APOB: variants seen among roughly 807,000 people sequenced by gnomAD.
APOB encodes the protein apolipoprotein B-100.
A neutral mutation model predicts 314.1 loss-of-function variants in APOB; 153 were observed. The ratio of observed to expected loss-of-function variants is 0.49; its 90% confidence interval spans 0.43 to 0.56. APOB has a LOEUF of 0.56. Ranked by LOEUF, APOB falls within the 20% of genes least tolerant of loss-of-function variation. The probability of loss-of-function intolerance (pLI) is 0.00; values close to 1 mark genes in which losing one functional copy is unlikely to be tolerated. For missense variants in APOB, 5,430 were observed against 5,350.7 expected, an observed-to-expected ratio of 1.01 and a Z score of -0.46; for synonymous variants, 2,087 against 2,036.4, an observed-to-expected ratio of 1.02 and a Z score of -0.67.
rs1572792918 is a variant in APOB, at chr2:21,022,953, C to T, written c.2694G>A (p.Gly898=). 6.2e-7 allele frequency: 1 copy of T among 1,614,140 alleles called. No individual in the cohort carries two copies. The highest frequency in any genetic ancestry group is 8.5e-7 in the Non-Finnish European group (1 of 1,180,020). ...GIIIPDFARS[G]VQMNTNFFHE... is the part of the protein sequence containing the mutation. ...GGAAGAAGTTGGTGTTCATCTGGAC[C>T]CCACTCCTAGCGAAGTCCGGAATGA... The change falls in exon 18 of 29, where the codon GGG becomes GGA. Residue 898 remains glycine (G), a synonymous_variant. Coordinates refer to ENST00000233242, the MANE Select transcript of APOB (RefSeq NM_000384.3).
intron 7 of APOB, 91 bp downstream of exon 7, chr2:21,035,493 G>A: frequency 6.5e-7 from 1 of 1,535,906 alleles, no homozygotes; most frequent in Admixed American, 1.7e-5. Context: ...TCCCTCCCAG[G>A]CACAGGTTTG....
At chr2:21,014,158 T>C (rs12713799) in intron 24 of APOB, among the ~76,000 whole-genome samples, 2,125 of 152,310 alleles carry the variant, frequency 0.014, 27 homozygotes, top group Middle Eastern at 0.065. Flanking sequence ...CATTCTGAAT[T>C]CTTCACAGTC....
At position 21,035,710 on chromosome 2, in the gene APOB, T is replaced by C; in HGVS notation, c.694-2A>G. The stretch of plus-strand genomic sequence containing the variant: ...GATCAGAGTTGACAAGGGGCGGGTC[T>C]ATGAAAGAGATTGGAGACGAGCATT... On this transcript the variant is annotated splice_acceptor_variant, in intron 6 of 28. Transcript: ENST00000233242. LOFTEE classifies it high-confidence loss of function. 2 of 1,613,952 alleles carry C rather than the reference T, an allele frequency of 1.2e-6. No individual in the cohort carries two copies. Among genetic ancestry groups the C allele is most frequent in the Non-Finnish European group, 1.7e-6 (2 of 1,180,012 alleles).
In APOB at chr2:21,042,419, C is replaced by T. The variant is rs1439559056; in HGVS notation, c.179G>A (p.Ser60Asn). The T allele has an allele frequency of 1.2e-6, 2 of 1,614,042 alleles. No individual in the cohort carries two copies. Among genetic ancestry groups the T allele is most frequent in the East Asian group, 2.2e-5 (1 of 44,890 alleles). ...AGCAGTCCCAGGGACTCCACTGGAA[C>T]TCTCAGCCTCATAGTTGTATGTGTA... ...RKYTYNYEAE[S>N]SSGVPGTADS... Residue 60 changes from serine (S) to asparagine (N), a missense_variant, in exon 3 of 29, where the codon AGT (serine) becomes AAT (asparagine). Physicochemically the swap from Ser to Asn is conservative, Grantham distance 46 (BLOSUM62 1). Around this residue, in one of 3 missense-constraint regions of APOB, gnomAD observed 2,085 missense variants for 2,079.7 expected, o/e 1.00. Coordinates refer to ENST00000233242, the MANE Select transcript of APOB (RefSeq NM_000384.3).
chr2:21,016,796 A>C, intron 20 of APOB, 147 bp from the exon 21 acceptor site: 1 of 673,190 alleles, frequency 1.5e-6, no homozygotes, highest in South Asian at 1.6e-5. Flanking sequence ...CATTCTGGCT[A>C]ACATGGTGAA....
chr2:21,008,658 T>A lies in APOB; in HGVS notation c.8210A>T (p.His2737Leu). Residue 2737 changes from histidine to leucine, a missense_variant, in exon 26 of 29, where the codon CAC becomes CTC. Physicochemically the swap from His to Leu is moderately conservative, Grantham distance 99. This residue lies in a region of APOB where 3,281 missense variants were observed against 3,171.0 expected (regional missense o/e 1.03). Transcript: ENST00000233242. Reference sequence around the variant, plus strand: ...GTGGGGAAGCTGGAATTCTGGTATGTGAAGGTCAGGAACTTGAAAATCATT... The same window carrying A: ...GTGGGGAAGCTGGAATTCTGGTATGAGAAGGTCAGGAACTTGAAAATCATT... Reference protein sequence around the residue: ...NLNDFQVPDLHIPEFQLPHIS... With the variant: ...NLNDFQVPDLLIPEFQLPHIS... 6.2e-7 allele frequency: 1 copy of A among 1,614,076 alleles called. No individual in the cohort carries two copies. The highest frequency in any genetic ancestry group is 8.5e-7 in the Non-Finnish European group (1 of 1,179,968).
rs1331915928 is a variant in APOB at position 21,028,544 on chromosome 2, G to T, written c.1618-6C>A. The T allele has an allele frequency of 1.9e-6, 3 of 1,600,362 alleles. No homozygotes were observed. The highest frequency in any genetic ancestry group is 2.6e-6 in the Non-Finnish European group (3 of 1,171,148). ...TGAAGAAGAACCTCCTGGTCCTGCA[G>T]TCAAAAGAGGAGATGGTTATCACTG... On this transcript the variant is annotated splice_region_variant and splice_polypyrimidine_tract_variant and intron_variant, in intron 12 of 28. Transcript: ENST00000233242.
At position 21,020,824 on chromosome 2, in the gene APOB, G is replaced by A. The variant is rs568348434; in HGVS notation, c.2817-919C>T. On this transcript the variant is annotated intron_variant, in intron 18 of 28. Transcript: ENST00000233242. ...GCCAGCTTTCGCCTACCCATGGGGT[G>A]ATCTCCCCTGTGGCTGCTCTTTGGC... 3.9e-5 allele frequency among the ~76,000 whole-genome samples: 6 copies of A among 152,336 alleles called. No individual in the cohort carries two copies. The South Asian group carries it at 6.2e-4, about 16-fold the overall frequency.
At position 21,043,699 on chromosome 2, in the gene APOB, C is replaced by G. The variant is rs935822995; in HGVS notation, c.83-148G>C. On this transcript the variant is annotated intron_variant, in intron 1 of 28. Coordinates refer to ENST00000233242, the MANE Select transcript of APOB (RefSeq NM_000384.3). ...CCTCCTCAGCCCCTCCATCCCGCGC[C>G]CCCCATCCTGAGCCTGCAGGGGCCG... The G allele has an allele frequency of 1.4e-5, 21 of 1,502,586 alleles. No individual in the cohort carries two copies. In the African/African-American group the frequency reaches 2.6e-4, roughly 19 times the overall value. The allele number at this position is 1,502,586 out of a possible 1,614,324, so 93.1% of individuals were successfully genotyped here.
chr2:21,002,347 A>T lies in APOB; in HGVS notation c.13075T>A (p.Phe4359Ile). Reference sequence around the variant, plus strand: ...AGCTCGTTTTGAATAAATTCATTGAACTTATGAAGATTAAGGCATAGGTTT... The same window carrying T: ...AGCTCGTTTTGAATAAATTCATTGATCTTATGAAGATTAAGGCATAGGTTT... Reference protein sequence around the residue: ...KENLCLNLHKFNEFIQNELQE... With the variant: ...KENLCLNLHKINEFIQNELQE... The change falls in exon 29 of 29, where the codon TTC (phenylalanine) becomes ATC (isoleucine). Residue 4359 changes from phenylalanine to isoleucine, a missense_variant. Transcript: ENST00000233242. The T allele has an allele frequency of 6.2e-7, 1 of 1,611,544 alleles. No homozygotes were observed. The highest frequency in any genetic ancestry group is 8.5e-7 in the Non-Finnish European group (1 of 1,179,114).
At chr2:21,030,892 C>A (rs1398159846) in intron 10 of APOB, among the ~76,000 whole-genome samples, 1 of 151,960 alleles carries the variant, frequency 6.6e-6, no homozygotes, top group South Asian at 2.1e-4. Context: ...TAAATTAAAA[C>A]CACAATGAGA....
In APOB at chr2:21,005,271, G is replaced by C. The variant is rs748109934; in HGVS notation, c.11597C>G (p.Ser3866Cys). 24 of 1,613,926 alleles carry C rather than the reference G, an allele frequency of 1.5e-5. No individual in the cohort carries two copies. The Admixed American group carries it at 3.8e-4, about 26-fold the overall frequency. ...TCCAGCAGGTACAGAGAACTTAATG[G>C]AGGGAATCTCAATGGTCTGCTCAGG... ...IVPEQTIEIP[S>C]IKFSVPAGIV... The change falls in exon 26 of 29, where the codon TCC becomes TGC. Residue 3866 changes from serine (S) to cysteine (C), a missense_variant. Physicochemically the swap from Ser to Cys is moderately radical, Grantham distance 112. This residue lies in a region of APOB where 3,281 missense variants were observed against 3,171.0 expected (regional missense o/e 1.03). Coordinates refer to ENST00000233242, the MANE Select transcript of APOB (RefSeq NM_000384.3).
In APOB at chr2:21,009,069, A is replaced by C. The variant is rs1297385371; in HGVS notation, c.7799T>G (p.Phe2600Cys). The change falls in exon 26 of 29, where the codon TTT becomes TGT. Residue 2600 changes from phenylalanine to cysteine, a missense_variant. Transcript: ENST00000233242. ...IKTILGTMPA[F>C]EVSLQALQKA... ...CTGAAGAGCCTGAAGACTGACTTCA[A>C]AGGCAGGCATGGTCCCAAGGATGGT... is the stretch of plus-strand genomic sequence containing the variant. 1 of 1,614,104 alleles carries C rather than the reference A, an allele frequency of 6.2e-7. No homozygotes were observed. The highest frequency in any genetic ancestry group is 1.7e-5 in the Admixed American group (1 of 60,014).
In APOB at chr2:21,001,892, A is replaced by T; in HGVS notation, c.13530T>A (p.Tyr4510Ter). Residue 4510 changes from tyrosine to a stop codon, truncating the protein, a stop_gained, in exon 29 of 29, where the codon TAT becomes TAA. Coordinates refer to ENST00000233242, the MANE Select transcript of APOB (RefSeq NM_000384.3). LOFTEE classifies it low-confidence loss of function (END_TRUNC). ...QDFSDQLSDY[Y>*]EKFIAESKRL... ...TTTTGGATTCAGCAATAAATTTTTC[A>T]TAGTAATCAGAGAGTTGGTCTGAAA... 6.2e-7 allele frequency: 1 copy of T among 1,614,050 alleles called. No individual in the cohort carries two copies. The highest frequency in any genetic ancestry group is 8.5e-7 in the Non-Finnish European group (1 of 1,179,984).
rs1480097398 is a variant in APOB, at chr2:21,005,704, G to C, written c.11164C>G (p.Pro3722Ala). Residue 3722 changes from proline to alanine, a missense_variant, in exon 26 of 29, where the codon CCT (proline) becomes GCT (alanine). Pro to Ala is a conservative substitution (Grantham distance 27). Transcript: ENST00000233242. Reference protein sequence around the residue: ...KNPNGYSFSIPVKVLADKFII... With the variant: ...KNPNGYSFSIAVKVLADKFII... ...AATTTATCAGCCAAAACTTTTACAG[G>C]GATGGAGAATGAATAGCCATTGGGG... is the stretch of plus-strand genomic sequence containing the variant. 1.2e-6 allele frequency: 2 copies of C among 1,613,760 alleles called. No individual in the cohort carries two copies. The highest frequency in any genetic ancestry group is 2.7e-5 in the African/African-American group (2 of 74,896).
Position 21,008,123 on chromosome 2 carries a change from T to G in APOB, c.8745A>C (p.Lys2915Asn), listed in dbSNP as rs755671793. 2.5e-6 allele frequency: 4 copies of G among 1,614,104 alleles called. No individual in the cohort carries two copies. The South Asian group carries it at 4.4e-5, about 18-fold the overall frequency. Residue 2915 changes from lysine (K) to asparagine (N), a missense_variant, in exon 26 of 29, where the codon AAA (lysine) becomes AAC (asparagine). By Grantham distance (94) the Lys-to-Asn change is moderately conservative. This residue lies in a region of APOB where 3,281 missense variants were observed against 3,171.0 expected (regional missense o/e 1.03). Transcript: ENST00000233242. The stretch of plus-strand genomic sequence containing the variant: ...AAGAAGTCCATGCTATGTGGCCAGC[T>G]TTCAACAGTGTCTTGATCTCGTTGC... The part of the protein sequence containing the change: ...DLRNEIKTLL[K>N]AGHIAWTSSG...
At chr2:21,043,492 C>T (rs781085666) in intron 2 of APOB, 21 bp downstream of exon 2, 46 of 1,597,218 alleles carry the variant, frequency 2.9e-5, no homozygotes, top group Middle Eastern at 1.6e-4. Flanking sequence ...CCCTTCCACG[C>T]CCCATGCGCA....
intron 21 of APOB, 138 bp downstream of exon 21, chr2:21,016,300 AT>A: frequency 4.9e-6 from 3 of 617,228 alleles, no homozygotes; most frequent in Non-Finnish European, 8.7e-6. Context: ...AAAAAAAAAA[AT>A]TGTTGAGGGC....
At position 21,025,025 on chromosome 2, in the gene APOB, C is replaced by T; in HGVS notation, c.2344G>A (p.Glu782Lys). 1.9e-6 allele frequency: 3 copies of T among 1,614,252 alleles called. No individual in the cohort carries two copies. Among genetic ancestry groups the T allele is most frequent in the Non-Finnish European group, 2.5e-6 (3 of 1,180,044 alleles). The change falls in exon 16 of 29, where the codon GAG becomes AAG. Residue 782 changes from glutamate (E) to lysine (K), a missense_variant. Glu to Lys is a moderately conservative substitution (Grantham distance 56). Around this residue, in one of 3 missense-constraint regions of APOB, gnomAD observed 2,085 missense variants for 2,079.7 expected, o/e 1.00. Coordinates refer to ENST00000233242, the MANE Select transcript of APOB (RefSeq NM_000384.3). ...TGGAGACTGGCAAAACCAAGCTCCT[C>T]TCCCAAGATGCGGAGGTAGGCTCTG... ...EARAYLRILG[E>K]ELGFASLHDL...
Sources: gnomAD v4.1 joint callset for allele counts (sites outside exome capture counted in the v4.1 genomes callset) on GRCh38, gnomAD v4.1.1 for gene constraint, gnomAD v4.1.1 regional missense constraint, MANE v1.5 for transcripts, NCBI Gene and HGNC (gene_info 2026-07-23, HGNC 2026-07-21) for gene names.